The following PLPBP variants were observed in gnomAD, a reference collection of about 807,000 sequenced individuals.
PLPBP encodes pyridoxal phosphate binding protein.
Under a neutral mutation model 31.2 loss-of-function variants are expected in PLPBP, and 21 were observed. That is an observed-to-expected ratio of 0.67 (90% CI 0.48 to 0.97). PLPBP has a LOEUF of 0.97. Among genes scored for constraint, PLPBP ranks in the 50% least tolerant of loss-of-function variants. PLPBP has a pLI of 0.00. For missense variants in PLPBP, 308 were observed against 354.4 expected (o/e 0.87, Z 1.05); for synonymous variants, 124 against 135.6 (o/e 0.91, Z 0.59).
chr8:37,767,226 G>T (rs989977991), intron 4 of PLPBP, among the ~76,000 whole-genome samples: 4 of 152,058 alleles, frequency 2.6e-5, no homozygotes, highest in African/African-American at 9.7e-5. Flanking sequence ...CATATTTAAA[G>T]TATAGAATTC....
In PLPBP at chr8:37,778,790, C is replaced by G. The variant is rs568517971; in HGVS notation, c.*686C>G. 6.6e-6 allele frequency: 1 copy of G among 152,024 alleles called. No homozygotes were observed. The highest frequency in any genetic ancestry group is 1.5e-5 in the Non-Finnish European group (1 of 68,044). 9.4% of individuals were successfully genotyped at this position (152,024 alleles called of 1,614,324 possible). The stretch of plus-strand genomic sequence containing the variant: ...CTCAGCAACAGCAGGAGCCCCACCC[C>G]CCGTCTCTACAAAAAAATTTAAAAA... On this transcript the variant is annotated 3_prime_UTR_variant, in exon 8 of 8. Coordinates refer to ENST00000328195, the MANE Select transcript of PLPBP (RefSeq NM_007198.4).
intron 4 of PLPBP, among the ~76,000 whole-genome samples, chr8:37,767,849 A>G: frequency 7.8e-6 from 1 of 128,446 alleles, no homozygotes; most frequent in Non-Finnish European, 1.5e-5. Context: ...TCTGTCGCCC[A>G]AGCTGGAGTG....
chr8:37,773,175 G>GT (rs369461620), intron 5 of PLPBP, among the ~76,000 whole-genome samples: 81 of 147,966 alleles, frequency 5.5e-4, no homozygotes, highest in Middle Eastern at 6.9e-3. Flanking sequence ...TTGTATTTTT[G>GT]TTTTTTTTTT....
At chr8:37,776,504 CAAAAG>C (rs1803918230) in intron 7 of PLPBP, among the ~76,000 whole-genome samples, 1 of 109,412 alleles carries the variant, frequency 9.1e-6, no homozygotes, top group South Asian at 2.8e-4. Context: ...AAAAAAAAAA[CAAAAG>C]AAAGAAAAGA....
chr8:37,769,590 A>T (rs1221891929), intron 4 of PLPBP, among the ~76,000 whole-genome samples: 1 of 152,186 alleles, frequency 6.6e-6, no homozygotes, highest in Non-Finnish European at 1.5e-5. Context: ...CAGTAATCAA[A>T]TGAAAAATAT....
intron 4 of PLPBP, among the ~76,000 whole-genome samples, chr8:37,767,187 G>A (rs1803656085): frequency 6.6e-6 from 1 of 152,000 alleles, no homozygotes; most frequent in South Asian, 2.1e-4. Flanking sequence ...AGCTTTATTA[G>A]GGAGGTAAGT....
intron 4 of PLPBP, among the ~76,000 whole-genome samples, chr8:37,767,991 G>A (rs1803678996): frequency 6.6e-6 from 1 of 151,764 alleles, no homozygotes; most frequent in Non-Finnish European, 1.5e-5. Flanking sequence ...GTTTTTAGTA[G>A]AGACAAGGTT....
chr8:37,768,460 A>ATTTTGTTT (rs1803690161), intron 4 of PLPBP, among the ~76,000 whole-genome samples: 1 of 101,142 alleles, frequency 9.9e-6, no homozygotes, highest in African/African-American at 3.7e-5. Flanking sequence ...TACAGTTTTG[A>ATTTTGTTT]TTTTCTTTTT....
chr8:37,777,001 A>T (rs1260038245), intron 7 of PLPBP, among the ~76,000 whole-genome samples: 1 of 152,156 alleles, frequency 6.6e-6, no homozygotes, highest in Non-Finnish European at 1.5e-5. Flanking sequence ...TCCTGACCTC[A>T]GGTAATCCAC....
chr8:37,776,850 TC>T (rs1803926706), intron 7 of PLPBP, among the ~76,000 whole-genome samples: 1 of 152,070 alleles, frequency 6.6e-6, no homozygotes, highest in Non-Finnish European at 1.5e-5. Flanking sequence ...CACTGTAACC[TC>T]CACCTCCCAG....
chr8:37,765,602 G>T lies in PLPBP; in HGVS notation c.176G>T (p.Gly59Val). Reference sequence around the variant, plus strand: ...GCAGACATGGTGATCGAGGCCTATGGACATGGGCAGCGCACTTTTGGCGAG... The same window carrying T: ...GCAGACATGGTGATCGAGGCCTATGTACATGGGCAGCGCACTTTTGGCGAG... ...KPADMVIEAYGHGQRTFGENY... is the reference protein window; with the variant it reads ...KPADMVIEAYVHGQRTFGENY... Residue 59 changes from glycine (G) to valine (V), a missense_variant, in exon 2 of 8, where the codon GGA (glycine) becomes GTA (valine). This residue lies in a region of PLPBP where 120 missense variants were observed against 95.1 expected (regional missense o/e 1.26). Coordinates refer to ENST00000328195, the MANE Select transcript of PLPBP (RefSeq NM_007198.4). The T allele has an allele frequency of 6.2e-7, 1 of 1,614,184 alleles. No individual in the cohort carries two copies. The highest frequency in any genetic ancestry group is 1.1e-5 in the South Asian group (1 of 91,078).
chr8:37,763,697 C>G (rs555597261), intron 1 of PLPBP, among the ~76,000 whole-genome samples: 1 of 152,188 alleles, frequency 6.6e-6, no homozygotes, highest in African/African-American at 2.4e-5. Flanking sequence ...GCTGCCTGTT[C>G]GGGTAACTCT....
intron 4 of PLPBP, among the ~76,000 whole-genome samples, chr8:37,768,816 A>T (rs1006715183): frequency 6.6e-6 from 1 of 152,162 alleles, no homozygotes; most frequent in African/African-American, 2.4e-5. Flanking sequence ...GCATCTCTTC[A>T]TGGGCTTATT....
intron 7 of PLPBP, among the ~76,000 whole-genome samples, 164 bp from the exon 8 acceptor site, chr8:37,777,809 G>A (rs534382388): frequency 6.6e-6 from 1 of 152,282 alleles, no homozygotes; most frequent in South Asian, 2.1e-4. Context: ...CTGATCTCGT[G>A]ATCTGCCCAC....
chr8:37,770,813 G>A (rs1056188238), intron 4 of PLPBP, among the ~76,000 whole-genome samples: 3 of 152,162 alleles, frequency 2.0e-5, no homozygotes, highest in African/African-American at 7.2e-5. Flanking sequence ...CTGACCTCAG[G>A]TGATCCGCCC....
rs1021058057 is a variant in PLPBP at position 37,778,759 on chromosome 8, AC to A, written c.*657del. 3.9e-5 allele frequency: 6 copies of A among 152,098 alleles called. No homozygotes were observed. Among genetic ancestry groups the A allele is most frequent in the African/African-American group, 1.4e-4 (6 of 41,406 alleles). The allele number at this position is 152,098 out of a possible 1,614,324, so 9.4% of individuals were successfully genotyped here. ...GATCACCTGAGCCTAGGAGTTCAAG[AC>A]CAGCCTCAGCAACAGCAGGAGCCCC... On this transcript the variant is annotated 3_prime_UTR_variant, in exon 8 of 8. Transcript: ENST00000328195.
intron 2 of PLPBP, 36 bp from the exon 3 acceptor site, chr8:37,765,675 G>T: frequency 6.2e-7 from 1 of 1,614,230 alleles, no homozygotes; most frequent in Non-Finnish European, 8.5e-7. Flanking sequence ...CATCATGATT[G>T]CCAGGCTTCT....
In PLPBP at chr8:37,778,204, G is replaced by A. The variant is rs980665529; in HGVS notation, c.*100G>A. ...GTCCTGCTCTCCTGTGACCTGTGGA[G>A]AGCACTAATGATCACGTGTGTTGAT... On this transcript the variant is annotated 3_prime_UTR_variant, in exon 8 of 8. Transcript: ENST00000328195. 47 of 1,410,636 alleles carry A rather than the reference G, an allele frequency of 3.3e-5. No homozygotes were observed. Among genetic ancestry groups the A allele is most frequent in the Middle Eastern group, 2.5e-4 (1 of 3,978 alleles). 87.4% of individuals were successfully genotyped at this position (1,410,636 alleles called of 1,614,324 possible).
At chr8:37,776,650 T>G (rs889745001) in intron 7 of PLPBP, among the ~76,000 whole-genome samples, 2 of 152,030 alleles carry the variant, frequency 1.3e-5, no homozygotes, top group African/African-American at 4.8e-5. Flanking sequence ...TCCATAAGTG[T>G]AGTCTAAAGG....
Sources: allele counts gnomAD v4.1 joint callset (sites outside exome capture counted in the v4.1 genomes callset), GRCh38; gene constraint gnomAD v4.1.1; regional missense constraint gnomAD v4.1.1; transcripts MANE v1.5; gene names NCBI Gene and HGNC (gene_info 2026-07-23, HGNC 2026-07-21).